Variants in TCF7 observed in about 807,000 individuals in gnomAD.
TCF7 encodes the protein transcription factor 7, also known as T-cell-factor-7.
TCF7 carries 19 observed loss-of-function variants against 46.8 expected under a neutral mutation model. That is an observed-to-expected ratio of 0.41 (90% CI 0.28 to 0.60). The LOEUF is 0.60. Ranked by LOEUF, TCF7 falls within the 20% of genes least tolerant of loss-of-function variation. The pLI is 0.35. For missense variants in TCF7, 547 were observed against 504.6 expected, an observed-to-expected ratio of 1.08 and a Z score of -0.81; for synonymous variants, 245 against 213.4, an observed-to-expected ratio of 1.15 and a Z score of -1.29.
At chr5:134,142,331 G>T (rs779597997) in intron 6 of TCF7, 27 bp downstream of exon 6, 5 of 1,557,418 alleles carry the variant, frequency 3.2e-6, no homozygotes, top group African/African-American at 1.4e-5. Flanking sequence ...TGATGGCAGG[G>T]GGTGTGTCAG....
Position 134,138,940 on chromosome 5 carries a change from C to G in TCF7, c.548-11C>G, listed in dbSNP as rs751761444. 15 of 1,613,716 alleles carry G rather than the reference C, an allele frequency of 9.3e-6. No individual in the cohort carries two copies. The African/African-American group carries it at 9.3e-5, about 10-fold the overall frequency. Reference sequence around the variant, plus strand: ...AGGCTAGCCCACTCACTCAGCTTCTCTCCTCTGCAGTTCACAGGCCTCTGC... The same window carrying G: ...AGGCTAGCCCACTCACTCAGCTTCTGTCCTCTGCAGTTCACAGGCCTCTGC... On this transcript the variant is annotated splice_polypyrimidine_tract_variant and intron_variant, in intron 4 of 9. Coordinates refer to ENST00000342854, the MANE Select transcript of TCF7 (RefSeq NM_003202.5).
intron 4 of TCF7, 41 bp from the exon 5 acceptor site, chr5:134,138,910 A>G (rs1210988750): frequency 6.2e-7 from 1 of 1,609,912 alleles, no homozygotes; most frequent in South Asian, 1.1e-5. Flanking sequence ...ATGGCCTGCC[A>G]GGTCAGGCTA....
chr5:134,117,790 G>A (rs556087504), intron 3 of TCF7, among the ~76,000 whole-genome samples: 3 of 152,076 alleles, frequency 2.0e-5, no homozygotes, highest in African/African-American at 4.8e-5. Context: ...TCTATGTATC[G>A]CACCTGCTCC....
intron 3 of TCF7, among the ~76,000 whole-genome samples, chr5:134,120,148 CAGA>C (rs1756371600): frequency 6.6e-6 from 1 of 152,116 alleles, no homozygotes; most frequent in Admixed American, 6.5e-5. Context: ...CAGATGAAGA[CAGA>C]GGAGGGACTG....
upstream of TCF7, among the ~76,000 whole-genome samples, chr5:134,112,464 C>T (rs976857025): frequency 1.3e-5 from 2 of 152,182 alleles, no homozygotes; most frequent in African/African-American, 4.8e-5. Flanking sequence ...CCTTCTCTCC[C>T]TCACGCCTCC....
At chr5:134,117,541 C>A (rs1755990692) in intron 3 of TCF7, among the ~76,000 whole-genome samples, 1 of 152,232 alleles carries the variant, frequency 6.6e-6, no homozygotes, top group Admixed American at 6.5e-5. Context: ...CACAGCAGCA[C>A]AGGGAAAAGG....
At chr5:134,145,305 C>T (rs1760530278) in intron 9 of TCF7, 1 of 538,094 alleles carries the variant, frequency 1.9e-6, no homozygotes, top group Non-Finnish European at 3.7e-6. Flanking sequence ...TCTGAAAAAG[C>T]AAGGTGACAA....
chr5:134,133,628 G>T (rs116921810), intron 3 of TCF7, among the ~76,000 whole-genome samples: 2 of 152,246 alleles, frequency 1.3e-5, no homozygotes, highest in East Asian at 3.9e-4. Context: ...AGCGGGCTGG[G>T]GATTGAGGCT....
In TCF7 at chr5:134,147,330, A is replaced by G. The variant is rs901485639; in HGVS notation, c.*1027A>G. 1 of 152,146 alleles carries G rather than the reference A, an allele frequency of 6.6e-6. No individual in the cohort carries two copies. The highest frequency in any genetic ancestry group is 2.4e-5 in the African/African-American group (1 of 41,376). The allele number at this position is 152,146 out of a possible 1,614,324, so 9.4% of individuals were successfully genotyped here. On this transcript the variant is annotated 3_prime_UTR_variant, in exon 10 of 10. Transcript: ENST00000342854. ...AACAGTTCAAAGAAGTCATGGCCCAAATCCAGTGTGCACCCCTCCCCATTC... is the reference window on the plus strand; with the variant it reads ...AACAGTTCAAAGAAGTCATGGCCCAGATCCAGTGTGCACCCCTCCCCATTC...
At chr5:134,145,420 C>T in intron 9 of TCF7, 1 of 558,502 alleles carries the variant, frequency 1.8e-6, no homozygotes, top group Non-Finnish European at 3.5e-6. Context: ...AGGGGGTACC[C>T]TGGGCTGTCT....
chr5:134,118,946 T>A (rs1406629742), intron 3 of TCF7, among the ~76,000 whole-genome samples: 2 of 152,188 alleles, frequency 1.3e-5, no homozygotes, highest in African/African-American at 4.8e-5. Flanking sequence ...AATGCCCGGC[T>A]AAGTTTGTTT....
intron 3 of TCF7, among the ~76,000 whole-genome samples, chr5:134,137,111 T>C (rs1311967871): frequency 6.6e-6 from 1 of 152,158 alleles, no homozygotes; most frequent in African/African-American, 2.4e-5. Context: ...CGTCTCTTGA[T>C]AGAGCAATGC....
In TCF7 at chr5:134,115,919, C is replaced by A. The variant is rs769300975; in HGVS notation, c.327C>A (p.Ala109=). The change falls in exon 3 of 10, where the codon GCC becomes GCA. Residue 109 remains alanine (A), a synonymous_variant. Coordinates refer to ENST00000342854, the MANE Select transcript of TCF7 (RefSeq NM_003202.5). The stretch of plus-strand genomic sequence containing the variant: ...CTGTGGTTTTTCCAGGCCTGAAGGC[C>A]CCGGAGTGCACCAGCGGCATGTACA... The part of the protein sequence containing the change: ...LPEPLEDGLK[A]PECTSGMYKE... 1 of 1,613,968 alleles carries A rather than the reference C, an allele frequency of 6.2e-7. No homozygotes were observed. Among genetic ancestry groups the A allele is most frequent in the Admixed American group, 1.7e-5 (1 of 60,020 alleles).
chr5:134,132,699 G>A (rs1758311273), intron 3 of TCF7, among the ~76,000 whole-genome samples: 1 of 147,096 alleles, frequency 6.8e-6, no homozygotes, highest in South Asian at 2.3e-4. Flanking sequence ...GGAAAATGCC[G>A]ACTGTGTTTA....
chr5:134,123,564 C>T, intron 3 of TCF7: 1 of 405,220 alleles, frequency 2.5e-6, no homozygotes, highest in Admixed American at 2.6e-5. Flanking sequence ...GGGGGCCCCA[C>T]TGGAACAAAG....
chr5:134,111,696 G>C (rs1251231567), upstream of TCF7, among the ~76,000 whole-genome samples: 1 of 152,012 alleles, frequency 6.6e-6, no homozygotes, highest in Non-Finnish European at 1.5e-5. Context: ...GAAAGTCAGG[G>C]CTCCATATTA....
At position 134,145,961 on chromosome 5, in the gene TCF7, C is replaced by T. The variant is rs555540916; in HGVS notation, c.1076-263C>T. ...CCCTTGGAAGACAGGAGAGATGACT[C>T]CCTTGGAAGACAGATGACAGCCCAT... On this transcript the variant is annotated intron_variant, in intron 9 of 9. Transcript: ENST00000342854. 1.6e-5 allele frequency: 23 copies of T among 1,475,276 alleles called. No individual in the cohort carries two copies. In the Admixed American group the frequency reaches 4.2e-4, roughly 27 times the overall value. 91.4% of individuals were successfully genotyped at this position (1,475,276 alleles called of 1,614,324 possible). A position where few individuals can be genotyped will look rare whatever the true frequency, so the allele number is the denominator to read the frequency against.
At chr5:134,129,548 C>T (rs1320113446) in intron 3 of TCF7, among the ~76,000 whole-genome samples, 1 of 152,188 alleles carries the variant, frequency 6.6e-6, no homozygotes, top group African/African-American at 2.4e-5. Flanking sequence ...ACTAGCAGCT[C>T]AGTTGCAGCA....
intron 3 of TCF7, among the ~76,000 whole-genome samples, chr5:134,131,953 C>T (rs915232042): frequency 1.3e-5 from 2 of 152,244 alleles, no homozygotes; most frequent in African/African-American, 4.8e-5. Context: ...TGCCACCAGG[C>T]AGGCTGCCAG....
Sources: gnomAD v4.1 joint callset for allele counts (sites outside exome capture counted in the v4.1 genomes callset) on GRCh38, gnomAD v4.1.1 for gene constraint, MANE v1.5 for transcripts, NCBI Gene and HGNC (gene_info 2026-07-23, HGNC 2026-07-21) for gene names.